Variants in ZNF644 observed in about 807,000 individuals in gnomAD.
The protein encoded by ZNF644 is zinc finger motif enhancer binding protein 2.
Under a neutral mutation model 108.0 loss-of-function variants are expected in ZNF644, and 20 were observed. That is an observed-to-expected ratio of 0.19 (90% CI 0.13 to 0.27). ZNF644 has a LOEUF of 0.27. Ranked by LOEUF, ZNF644 falls within the 10% of genes least tolerant of loss-of-function variation. The pLI, the probability that ZNF644 is intolerant of heterozygous loss-of-function variation, is 1.00. For missense variants in ZNF644, 1,338 were observed against 1,548.9 expected (o/e 0.86, Z 2.29); for synonymous variants, 542 against 539.1 (o/e 1.01, Z -0.08).
chr1:90,960,983 G>A (rs539262037), intron 2 of ZNF644, among the ~76,000 whole-genome samples: 1 of 150,834 alleles, frequency 6.6e-6, no homozygotes, highest in African/African-American at 2.4e-5. Context: ...AAAATGAAGA[G>A]AATTTCTCAC....
chr1:90,989,963 T>C (rs977766767), intron 1 of ZNF644, among the ~76,000 whole-genome samples: 1 of 152,118 alleles, frequency 6.6e-6, no homozygotes, highest in African/African-American at 2.4e-5. Context: ...ATACATACAA[T>C]GGAGTATTAT....
chr1:90,926,577 A>G (rs1557548008), intron 4 of ZNF644, among the ~76,000 whole-genome samples: 1 of 152,230 alleles, frequency 6.6e-6, no homozygotes, highest in South Asian at 2.1e-4. Flanking sequence ...TGGATGTTGA[A>G]GTGTTGCTAG....
At chr1:90,964,473 C>T (rs1396605072) in intron 2 of ZNF644, among the ~76,000 whole-genome samples, 2 of 152,108 alleles carry the variant, frequency 1.3e-5, no homozygotes, top group Non-Finnish European at 2.9e-5. Context: ...TATTCCATGA[C>T]ATTTTAATAA....
At chr1:91,019,620 G>C (rs1207101090) in intron 1 of ZNF644, among the ~76,000 whole-genome samples, 1 of 152,090 alleles carries the variant, frequency 6.6e-6, no homozygotes, top group African/African-American at 2.4e-5. Flanking sequence ...CACCAGACTG[G>C]AGTGCAGTGC....
intron 2 of ZNF644, among the ~76,000 whole-genome samples, chr1:90,943,830 G>A (rs755615989): frequency 6.6e-6 from 1 of 152,202 alleles, no homozygotes; most frequent in African/African-American, 2.4e-5. Flanking sequence ...GGAAAGAAAA[G>A]CAAGCCTTAA....
At chr1:91,004,613 T>C (rs1659232053) in intron 1 of ZNF644, among the ~76,000 whole-genome samples, 2 of 152,142 alleles carry the variant, frequency 1.3e-5, no homozygotes, top group Admixed American at 1.3e-4. Context: ...AAAGACAGTA[T>C]AACTGTTTTC....
rs1374207977 is a variant in ZNF644, at chr1:90,938,899, T to C, written c.2455A>G (p.Ser819Gly). 4 of 1,613,978 alleles carry C rather than the reference T, an allele frequency of 2.5e-6. No homozygotes were observed. Among genetic ancestry groups the C allele is most frequent in the Non-Finnish European group, 3.4e-6 (4 of 1,179,946 alleles). ...KRVIKESKKE[S>G]SVGGEDLDSY... ...TCCAAGTCTTCCCCTCCAACAGAAC[T>C]TTCCTTCTTAGATTCCTTAATTACT... The change falls in exon 3 of 6, where the codon AGT becomes GGT. Residue 819 changes from serine to glycine, a missense_variant. Physicochemically the swap from Ser to Gly is moderately conservative, Grantham distance 56. Around this residue, in one of 6 missense-constraint regions of ZNF644, gnomAD observed 462 missense variants for 472.6 expected, o/e 0.98. Coordinates refer to ENST00000337393, the MANE Select transcript of ZNF644 (RefSeq NM_201269.3). The surrounding 1 kb of genome is among the most constrained non-coding windows in gnomAD (Gnocchi z 4.2).
chr1:90,972,800 G>T (rs1224151398), intron 2 of ZNF644: 2 of 152,166 alleles, frequency 1.3e-5, no homozygotes, highest in Non-Finnish European at 2.9e-5. Context: ...AGGAAATTCT[G>T]CAAAATGCTG....
chr1:90,920,165 T>C (rs781572616), intron 4 of ZNF644, among the ~76,000 whole-genome samples: 1 of 152,024 alleles, frequency 6.6e-6, no homozygotes, highest in Non-Finnish European at 1.5e-5. Context: ...TCTGTAAAGA[T>C]GGATCCTTGT....
intron 2 of ZNF644, among the ~76,000 whole-genome samples, chr1:90,948,821 C>A (rs192637607): frequency 6.6e-6 from 1 of 152,238 alleles, no homozygotes; most frequent in Admixed American, 6.5e-5. Flanking sequence ...TGGAACATAA[C>A]GAATGTATAC....
chr1:90,958,753 A>C (rs1276422719), intron 2 of ZNF644, among the ~76,000 whole-genome samples: 2 of 152,200 alleles, frequency 1.3e-5, no homozygotes, highest in African/African-American at 2.4e-5. Context: ...TACTGGGACA[A>C]CTGGATAACC....
intron 1 of ZNF644, among the ~76,000 whole-genome samples, chr1:90,989,333 G>A (rs1657411526): frequency 6.6e-6 from 1 of 152,132 alleles, no homozygotes; most frequent in African/African-American, 2.4e-5. Flanking sequence ...AGGATCGCTT[G>A]AGCTCAGGAG....
rs1205133451 is a variant in ZNF644, at chr1:90,939,085, A to G, written c.2269T>C (p.Tyr757His). 1.2e-6 allele frequency: 2 copies of G among 1,613,940 alleles called. No individual in the cohort carries two copies. Among genetic ancestry groups the G allele is most frequent in the African/African-American group, 2.7e-5 (2 of 74,932 alleles). ...TCTTCTTTTTTGAAATGCACAGGAT[A>G]TGATTCACCTGATTTTTTGATCATC... Reference protein sequence around the residue: ...YRMIKKSGESYPVHFKKEEAS... With the variant: ...YRMIKKSGESHPVHFKKEEAS... The change falls in exon 3 of 6, where the codon TAT becomes CAT. Residue 757 changes from tyrosine to histidine, a missense_variant. By Grantham distance (83) the Tyr-to-His change is moderately conservative (BLOSUM62 2). This residue lies in a region of ZNF644 where 462 missense variants were observed against 472.6 expected (regional missense o/e 0.98). Transcript: ENST00000337393.
At chr1:90,935,862 A>G (rs987659687) in intron 4 of ZNF644, among the ~76,000 whole-genome samples, 1 of 152,178 alleles carries the variant, frequency 6.6e-6, no homozygotes, top group African/African-American at 2.4e-5. Flanking sequence ...TGATTTGAAC[A>G]ACACGGTTCT....
intron 2 of ZNF644, among the ~76,000 whole-genome samples, chr1:90,943,409 C>A (rs1377722696): frequency 6.6e-6 from 1 of 152,068 alleles, no homozygotes; most frequent in East Asian, 1.9e-4. Flanking sequence ...CCATTGCACT[C>A]CAGCCTGTGC....
chr1:90,938,741 T>A lies in ZNF644; in HGVS notation c.2613A>T (p.Thr871=). 1 of 1,613,988 alleles carries A rather than the reference T, an allele frequency of 6.2e-7. No homozygotes were observed. Among genetic ancestry groups the A allele is most frequent in the Non-Finnish European group, 8.5e-7 (1 of 1,179,912 alleles). ...WDNVELGDYT[T]QAIEDETYSD... is the part of the protein sequence containing the mutation. ...TATAGGTTTCATCTTCTATGGCCTGTGTAGTGTAGTCTCCTAACTCAACAT... is the reference window on the plus strand; with the variant it reads ...TATAGGTTTCATCTTCTATGGCCTGAGTAGTGTAGTCTCCTAACTCAACAT... Residue 871 remains threonine (T), a synonymous_variant, in exon 3 of 6, where the codon ACA becomes ACT. Coordinates refer to ENST00000337393, the MANE Select transcript of ZNF644 (RefSeq NM_201269.3). The surrounding 1 kb of genome is among the most constrained non-coding windows in gnomAD (Gnocchi z 4.2).
At chr1:90,949,123 C>G (rs1292448057) in intron 2 of ZNF644, among the ~76,000 whole-genome samples, 2 of 151,756 alleles carry the variant, frequency 1.3e-5, no homozygotes, top group African/African-American at 2.4e-5. Context: ...CTGTAATAAT[C>G]TATAATGAGT....
intron 4 of ZNF644, among the ~76,000 whole-genome samples, chr1:90,920,704 C>T (rs1215178137): frequency 6.6e-6 from 1 of 151,954 alleles, no homozygotes; most frequent in Non-Finnish European, 1.5e-5. Flanking sequence ...GAAAGCAGGA[C>T]AACTCTGCCA....
rs969264719 is a variant in ZNF644, at chr1:90,947,381, A to G, written c.45-6072T>C. ...GAGTGATATATATGTAACTGATCAA[A>G]TATTTTGACCACATTTGTGTAACAT... On this transcript the variant is annotated intron_variant, in intron 2 of 5. Coordinates refer to ENST00000337393, the MANE Select transcript of ZNF644 (RefSeq NM_201269.3). 3.3e-5 allele frequency among the ~76,000 whole-genome samples: 5 copies of G among 152,322 alleles called. No homozygotes were observed. In the Middle Eastern group the frequency reaches 0.017, roughly 518 times the overall value.
Sources: gnomAD v4.1 joint callset for allele counts (sites outside exome capture counted in the v4.1 genomes callset) on GRCh38, gnomAD v4.1.1 for gene constraint, gnomAD v4.1.1 regional missense constraint, Gnocchi (gnomAD v3.1) non-coding constraint, MANE v1.5 for transcripts, NCBI Gene and HGNC (gene_info 2026-07-23, HGNC 2026-07-21) for gene names.